Variants in UTRN observed in about 807,000 individuals in gnomAD.
UTRN encodes dystrophin-related protein 1.
In UTRN, 283 loss-of-function variants were observed where a neutral mutation model predicts 463.9. The ratio of observed to expected loss-of-function variants is 0.61; its 90% CI spans 0.55 to 0.67. The LOEUF is 0.67. UTRN is among the 30% of genes least tolerant of loss of function. UTRN has a pLI of 0.00. For synonymous variants in UTRN, 1,442 were observed against 1,431.5 expected (o/e 1.01, Z -0.17); for missense variants, 3,922 against 4,084.3 (o/e 0.96, Z 1.08).
At chr6:144,504,388 C>G (rs992760837) in intron 34 of UTRN, among the ~76,000 whole-genome samples, 3 of 152,008 alleles carry the variant, frequency 2.0e-5, no homozygotes, top group African/African-American at 4.8e-5. Context: ...TCATAAATAG[C>G]TTTTATTATT....
At chr6:144,792,267 C>G (rs1164074213) in intron 62 of UTRN, among the ~76,000 whole-genome samples, 1 of 152,052 alleles carries the variant, frequency 6.6e-6, no homozygotes, top group Non-Finnish European at 1.5e-5. Flanking sequence ...GAGAATGGAC[C>G]AGGCACGGTG....
intron 52 of UTRN, among the ~76,000 whole-genome samples, chr6:144,699,378 C>T (rs777762174): frequency 6.0e-5 from 9 of 149,416 alleles, no homozygotes; most frequent in South Asian, 4.2e-4. Context: ...AGGCAGAGGT[C>T]GCAGTGAGCC....
At chr6:144,511,423 T>C (rs1795155891) in intron 35 of UTRN, among the ~76,000 whole-genome samples, 2 of 152,222 alleles carry the variant, frequency 1.3e-5, no homozygotes, top group African/African-American at 4.8e-5. Context: ...ATTTTCGTAC[T>C]ATCAGAAGCT....
intron 23 of UTRN, among the ~76,000 whole-genome samples, chr6:144,473,406 T>C (rs891632563): frequency 8.5e-5 from 13 of 152,220 alleles, no homozygotes; most frequent in Admixed American, 4.6e-4. Flanking sequence ...TTATAGCTGA[T>C]AAAACCTAGA....
chr6:144,758,857 T>G (rs1180720419), intron 58 of UTRN, among the ~76,000 whole-genome samples: 1 of 152,062 alleles, frequency 6.6e-6, no homozygotes, highest in Non-Finnish European at 1.5e-5. Flanking sequence ...AGGAGACAGC[T>G]CTGTCTCAGG....
Position 144,488,806 on chromosome 6 carries a change from A to G in UTRN, c.4106A>G (p.Asp1369Gly). The G allele has an allele frequency of 6.2e-7, 1 of 1,603,038 alleles. No individual in the cohort carries two copies. The highest frequency in any genetic ancestry group is 1.3e-5 in the African/African-American group (1 of 74,676). The change falls in exon 30 of 75, where the codon GAT (aspartate) becomes GGT (glycine). Residue 1369 changes from aspartate to glycine, a missense_variant. Transcript: ENST00000367545. ...QLTTYLTDRI[D>G]AFQVPQEAQK... is the part of the protein sequence containing the mutation. ...ACCACATACCTGACTGACAGGATAGATGCTTTCCAAGTTCCACAGGAAGCT... is the reference window on the plus strand; with the variant it reads ...ACCACATACCTGACTGACAGGATAGGTGCTTTCCAAGTTCCACAGGAAGCT...
intron 51 of UTRN, among the ~76,000 whole-genome samples, chr6:144,656,203 T>C (rs576641248): frequency 3.3e-5 from 5 of 152,194 alleles, no homozygotes; most frequent in Non-Finnish European, 7.3e-5. Context: ...TGGCTTAAAT[T>C]GGGAAAATGT....
At chr6:144,780,524 A>G (rs1775730542) in intron 60 of UTRN, among the ~76,000 whole-genome samples, 1 of 152,168 alleles carries the variant, frequency 6.6e-6, no homozygotes, top group Non-Finnish European at 1.5e-5. Flanking sequence ...TTCCTTACTC[A>G]GATGTTTAGA....
At chr6:144,491,294 G>C (rs1026872969) in intron 32 of UTRN, among the ~76,000 whole-genome samples, 192 bp downstream of exon 32, 1 of 152,168 alleles carries the variant, frequency 6.6e-6, no homozygotes, top group Non-Finnish European at 1.5e-5. Context: ...GAAGAGATAA[G>C]AGAGATAGCT....
intron 22 of UTRN, 111 bp downstream of exon 22, chr6:144,461,453 T>A (rs887667717): frequency 4.0e-5 from 48 of 1,196,982 alleles, no homozygotes; most frequent in Non-Finnish European, 4.9e-5. Flanking sequence ...GTTTTGTTCA[T>A]CATTGGTGCA....
At chr6:144,676,849 T>G (rs903882546) in intron 51 of UTRN, among the ~76,000 whole-genome samples, 3 of 152,210 alleles carry the variant, frequency 2.0e-5, no homozygotes, top group Admixed American at 2.0e-4. Context: ...AAAAACACTT[T>G]AGTTATAGTT....
At chr6:144,762,439 T>C (rs530670261) in intron 58 of UTRN, among the ~76,000 whole-genome samples, 2 of 152,314 alleles carry the variant, frequency 1.3e-5, no homozygotes, top group Admixed American at 1.3e-4. Flanking sequence ...ACTATGCACC[T>C]CCTGTGTGCC....
intron 51 of UTRN, among the ~76,000 whole-genome samples, chr6:144,613,790 C>T (rs925365634): frequency 6.6e-6 from 1 of 151,876 alleles, no homozygotes; most frequent in Non-Finnish European, 1.5e-5. Context: ...CAAGAAACCC[C>T]TCCCCAAAGA....
At chr6:144,383,542 G>A (rs1469646451) in intron 2 of UTRN, among the ~76,000 whole-genome samples, 1 of 152,178 alleles carries the variant, frequency 6.6e-6, no homozygotes, top group Non-Finnish European at 1.5e-5. Flanking sequence ...TGCCAGCCAA[G>A]TCTGTTAATT....
intron 53 of UTRN, among the ~76,000 whole-genome samples, chr6:144,702,035 T>G (rs1586105725): frequency 6.6e-6 from 1 of 152,226 alleles, no homozygotes; most frequent in East Asian, 1.9e-4. Context: ...TATTAATTAT[T>G]CATACAGTAG....
intron 2 of UTRN, among the ~76,000 whole-genome samples, chr6:144,337,221 T>C (rs2473155): frequency 0.031 from 3,778 of 123,328 alleles, 59 homozygotes; most frequent in Middle Eastern, 0.074. Context: ...CACACACACA[T>C]GTGAGAGGAG....
chr6:144,671,922 A>AT (rs141440935), intron 51 of UTRN, among the ~76,000 whole-genome samples: 18,685 of 151,908 alleles, frequency 0.12, 1,679 homozygotes, highest in East Asian at 0.51. Context: ...TGACCATGTG[A>AT]TTTTTTGTTT....
chr6:144,777,327 G>C (rs1775416434), intron 60 of UTRN, among the ~76,000 whole-genome samples: 1 of 151,926 alleles, frequency 6.6e-6, no homozygotes, highest in Non-Finnish European at 1.5e-5. Flanking sequence ...TTTAATCTTA[G>C]AACTATAAAA....
intron 2 of UTRN, among the ~76,000 whole-genome samples, chr6:144,344,686 G>C (rs1462566858): frequency 6.6e-6 from 1 of 152,180 alleles, no homozygotes. Context: ...TTGAGTATTG[G>C]TAGACCTCAT....
Sources: allele counts gnomAD v4.1 joint callset (sites outside exome capture counted in the v4.1 genomes callset), GRCh38; gene constraint gnomAD v4.1.1; transcripts MANE v1.5; gene names NCBI Gene and HGNC (gene_info 2026-07-23, HGNC 2026-07-21).